CERT1: variants seen among roughly 807,000 people sequenced by gnomAD.
CERT1 encodes ceramide transporter 1, also known as ceramide transfer protein.
A neutral mutation model predicts 87.9 loss-of-function variants in CERT1; 31 were observed. The observed-to-expected ratio is 0.35, with a 90% CI of 0.27 to 0.48. The LOEUF is 0.48. Ranked by LOEUF, CERT1 falls within the 20% of genes least tolerant of loss-of-function variation. CERT1 has a pLI of 0.99. For synonymous variants in CERT1, 289 were observed against 250.9 expected (o/e 1.15, Z -1.44); for missense variants, 487 against 758.0 (o/e 0.64, Z 4.20).
At chr5:75,422,995 A>G (rs1313908021) in intron 5 of CERT1, among the ~76,000 whole-genome samples, 1 of 152,234 alleles carries the variant, frequency 6.6e-6, no homozygotes, top group Non-Finnish European at 1.5e-5. Flanking sequence ...CCTTTATCTC[A>G]GAACTGTGAG....
intron 3 of CERT1, among the ~76,000 whole-genome samples, chr5:75,441,774 G>T (rs1764334263): frequency 6.6e-6 from 1 of 152,154 alleles, no homozygotes; most frequent in South Asian, 2.1e-4. Context: ...ATATTCCATT[G>T]AATGGATATA....
At chr5:75,368,555 A>G (rs921213745) in exon 18 of CERT1, 1 of 152,194 alleles carries the variant, frequency 6.6e-6, no homozygotes, top group African/African-American at 2.4e-5. Flanking sequence ...CAAAACAGTG[A>G]TAGTTATATT....
chr5:75,380,693 G>A (rs1454167527), intron 16 of CERT1, among the ~76,000 whole-genome samples: 2 of 147,374 alleles, frequency 1.4e-5, no homozygotes, highest in South Asian at 2.1e-4. Flanking sequence ...GCAGAGAATC[G>A]CTTGAACCCA....
At chr5:75,488,647 T>C (rs1328808761) in intron 2 of CERT1, among the ~76,000 whole-genome samples, 1 of 152,268 alleles carries the variant, frequency 6.6e-6, no homozygotes, top group East Asian at 1.9e-4. Context: ...ACATTTTTTT[T>C]CTAAGTTTAA....
chr5:75,444,357 T>C (rs1764447806), intron 3 of CERT1, among the ~76,000 whole-genome samples: 1 of 152,084 alleles, frequency 6.6e-6, no homozygotes, highest in African/African-American at 2.4e-5. Context: ...CCTGGCCTGA[T>C]CATGTATTTT....
At chr5:75,400,150 C>T in intron 10 of CERT1, 55 bp downstream of exon 10, 1 of 1,267,734 alleles carries the variant, frequency 7.9e-7, no homozygotes, top group Non-Finnish European at 1.1e-6. Context: ...ATATTTCCAC[C>T]AACAATGAAG....
chr5:75,382,050 C>T lies in CERT1; in HGVS notation c.1516G>A (p.Val506Ile), dbSNP rs758436031. ...TTTCGAATGACAGAAAGATATAATA[C>T]GTCTCGCTGAGAAGCAGGCCACACC... is the stretch of plus-strand genomic sequence containing the variant. ...KRVWPASQRD[V>I]LYLSVIRKIP... is the part of the protein sequence containing the mutation. Residue 506 changes from valine (V) to isoleucine (I), a missense_variant, in exon 15 of 17, where the codon GTA becomes ATA. Coordinates refer to ENST00000643780, the MANE Select transcript of CERT1 (RefSeq NM_001379029.1). The T allele has an allele frequency of 6.2e-6, 10 of 1,613,880 alleles. No homozygotes were observed. The East Asian group carries it at 6.7e-5, about 11-fold the overall frequency.
intron 3 of CERT1, among the ~76,000 whole-genome samples, chr5:75,433,194 T>G (rs1454626291): frequency 2.6e-5 from 4 of 152,242 alleles, no homozygotes; most frequent in Non-Finnish European, 4.4e-5. Context: ...TGGTACCATA[T>G]GAATTTTAAA....
intron 12 of CERT1, 129 bp from the exon 13 acceptor site, chr5:75,386,163 A>G: frequency 2.9e-6 from 2 of 683,382 alleles, no homozygotes; most frequent in Admixed American, 4.2e-5. Flanking sequence ...ATATTCTGCT[A>G]AAAGAAAATT....
intron 2 of CERT1, among the ~76,000 whole-genome samples, chr5:75,503,870 T>TAAA (rs1419657533): frequency 2.6e-5 from 3 of 115,698 alleles, no homozygotes; most frequent in African/African-American, 6.6e-5. Context: ...ACATTTAAAT[T>TAAA]TTTTGTTTAA....
chr5:75,507,321 G>C (rs1220012252), intron 1 of CERT1, among the ~76,000 whole-genome samples: 3 of 152,020 alleles, frequency 2.0e-5, no homozygotes, highest in African/African-American at 7.3e-5. Flanking sequence ...ATGGTGCCAA[G>C]GCTCGTCTCA....
At chr5:75,501,896 TAGAG>T (rs1469443807) in intron 2 of CERT1, among the ~76,000 whole-genome samples, 2 of 152,138 alleles carry the variant, frequency 1.3e-5, no homozygotes, top group Non-Finnish European at 2.9e-5. Flanking sequence ...TACATTCATA[TAGAG>T]AGATAGTCTT....
At chr5:75,403,093 AT>A (rs1762563677) in intron 8 of CERT1, 35 bp from the exon 9 acceptor site, 2 of 1,423,904 alleles carry the variant, frequency 1.4e-6, no homozygotes, top group Admixed American at 3.8e-5. Context: ...AAAGCAGTTT[AT>A]TTAAAGAAAC....
At position 75,458,978 on chromosome 5, in the gene CERT1, A is replaced by G; in HGVS notation, c.348+87T>C. The G allele has an allele frequency of 5.7e-6, 4 of 697,082 alleles. No individual in the cohort carries two copies. The East Asian group carries it at 9.9e-5, about 17-fold the overall frequency. The allele number at this position is 697,082 out of a possible 1,614,324, so 43.2% of individuals were successfully genotyped here. A position where few individuals can be genotyped will look rare whatever the true frequency, so the allele number is the denominator to read the frequency against. On this transcript the variant is annotated intron_variant, in intron 3 of 16. Transcript: ENST00000643780. ...AATAATGTTCAATGTTTCAGTAACT[A>G]ATGTCACATGTCAACTTTTTTTTTA...
At chr5:75,381,383 C>T (rs1275249107) in intron 15 of CERT1, among the ~76,000 whole-genome samples, 182 bp from the exon 16 acceptor site, 1 of 152,108 alleles carries the variant, frequency 6.6e-6, no homozygotes, top group Admixed American at 6.6e-5. Flanking sequence ...GGGACAAGGT[C>T]TTGCTCTGTT....
intron 2 of CERT1, among the ~76,000 whole-genome samples, chr5:75,487,789 TATAATGGC>T (rs1262531106): frequency 6.6e-6 from 1 of 152,048 alleles, no homozygotes; most frequent in African/African-American, 2.4e-5. Flanking sequence ...TCATCCCATT[TATAATGGC>T]CATTATAAGT....
At chr5:75,370,207 T>A (rs1030291495) in intron 17 of CERT1, 24 of 152,226 alleles carry the variant, frequency 1.6e-4, no homozygotes, top group Non-Finnish European at 5.9e-5. Context: ...TGTTTACAGA[T>A]CACATTGTTT....
chr5:75,490,650 C>T (rs1420641045), intron 2 of CERT1, among the ~76,000 whole-genome samples: 1 of 152,076 alleles, frequency 6.6e-6, no homozygotes, highest in Non-Finnish European at 1.5e-5. Context: ...AGGCGCCCAC[C>T]ACCACGCCTG....
chr5:75,439,339 A>G (rs560023764), intron 3 of CERT1, among the ~76,000 whole-genome samples: 1 of 152,154 alleles, frequency 6.6e-6, no homozygotes, highest in Admixed American at 6.5e-5. Flanking sequence ...CCCTCCAAAG[A>G]AAGTGGTATA....
Sources: allele counts gnomAD v4.1 joint callset (sites outside exome capture counted in the v4.1 genomes callset), GRCh38; gene constraint gnomAD v4.1.1; transcripts MANE v1.5; gene names NCBI Gene and HGNC (gene_info 2026-07-23, HGNC 2026-07-21).